NBAS: variants seen among roughly 807,000 people sequenced by gnomAD.
The protein encoded by NBAS is NBAS subunit of NRZ tethering complex.
In NBAS, 219 loss-of-function variants were observed where a neutral mutation model predicts 302.5. The ratio of observed to expected loss-of-function variants is 0.72; its 90% CI spans 0.65 to 0.81. The LOEUF (loss-of-function observed/expected upper bound fraction) is 0.81. Ranked by LOEUF, NBAS falls within the 30% of genes least tolerant of loss-of-function variation. The pLI, the probability that NBAS is intolerant of heterozygous loss-of-function variation, is 0.00. For missense variants in NBAS, 2,932 were observed against 2,841.6 expected, an observed-to-expected ratio of 1.03 and a Z score of -0.72; for synonymous variants, 1,118 against 1,021.6, an observed-to-expected ratio of 1.09 and a Z score of -1.80.
the NBAS span, among the ~76,000 whole-genome samples, chr2:14,909,366 T>TAAAAAAA: frequency 1.6e-3 from 122 of 78,536 alleles, 12 homozygotes; most frequent in African/African-American, 6.6e-3. Flanking sequence ...GGAGAGTTTC[T>TAAAAAAA]AAAAAAAAAA....
the NBAS span, among the ~76,000 whole-genome samples, chr2:15,086,339 C>A: frequency 1.3e-5 from 2 of 152,138 alleles, no homozygotes; most frequent in African/African-American, 4.8e-5. Flanking sequence ...GGAGCTACCC[C>A]CTATTGGTCC....
the NBAS span, among the ~76,000 whole-genome samples, chr2:15,120,347 C>T: frequency 1.3e-5 from 2 of 152,152 alleles, no homozygotes; most frequent in South Asian, 4.1e-4. Flanking sequence ...CCCCATTCTG[C>T]AGCCAAAGAA....
chr2:15,417,925 A>G (rs1677027459), intron 23 of NBAS, among the ~76,000 whole-genome samples: 2 of 152,184 alleles, frequency 1.3e-5, no homozygotes, highest in African/African-American at 4.8e-5. Flanking sequence ...AACAATCAGC[A>G]AGAAATACGG....
intron 25 of NBAS, 26 bp from the exon 26 acceptor site, chr2:15,402,327 T>C (rs574036569): frequency 1.9e-6 from 3 of 1,612,112 alleles, no homozygotes; most frequent in Non-Finnish European, 8.5e-7. Flanking sequence ...TATGTTGTAC[T>C]AAATGTCAAC....
chr2:15,095,783 A>G, the NBAS span, among the ~76,000 whole-genome samples: 1 of 152,176 alleles, frequency 6.6e-6, no homozygotes, highest in Non-Finnish European at 1.5e-5. Context: ...AGGCCCTGAC[A>G]TGGGAGCTCA....
chr2:15,512,903 C>T (rs1415206875), intron 9 of NBAS, among the ~76,000 whole-genome samples: 1 of 151,862 alleles, frequency 6.6e-6, no homozygotes, highest in African/African-American at 2.4e-5. Context: ...TTTTTTCTTT[C>T]CCAGTCCCAA....
the NBAS span, among the ~76,000 whole-genome samples, chr2:15,125,365 G>A: frequency 0.45 from 68,672 of 152,030 alleles, 18,257 homozygotes; most frequent in Non-Finnish European, 0.57. Context: ...GAAAAAGCAA[G>A]GGCAAGGAAG....
At chr2:15,265,792 C>T (rs1433687686) in intron 44 of NBAS, among the ~76,000 whole-genome samples, 1 of 152,096 alleles carries the variant, frequency 6.6e-6, no homozygotes, top group Non-Finnish European at 1.5e-5. Flanking sequence ...TTTTAATCAA[C>T]ATGGAAATCT....
At chr2:15,325,252 TCA>T (rs1211638095) in intron 38 of NBAS, among the ~76,000 whole-genome samples, 6 of 152,220 alleles carry the variant, frequency 3.9e-5, no homozygotes, top group Non-Finnish European at 5.9e-5. Context: ...ATAAACTGTA[TCA>T]CACAAATTAT....
chr2:14,807,460 T>A, the NBAS span, among the ~76,000 whole-genome samples: 3 of 44,528 alleles, frequency 6.7e-5, no homozygotes, highest in Non-Finnish European at 1.2e-4. Flanking sequence ...TGTGAGTGTG[T>A]GTGTGTGTGT....
At chr2:15,097,751 C>T in the NBAS span, among the ~76,000 whole-genome samples, 1 of 150,808 alleles carries the variant, frequency 6.6e-6, no homozygotes, top group African/African-American at 2.4e-5. Flanking sequence ...CACCATCATC[C>T]TGGGGGCTAG....
the NBAS span, among the ~76,000 whole-genome samples, chr2:14,959,482 G>A: frequency 0.064 from 9,707 of 152,140 alleles, 1,009 homozygotes; most frequent in African/African-American, 0.22. Flanking sequence ...TTGCAACTGT[G>A]ATCAAGGCTC....
At chr2:15,428,897 G>T (rs1677616970) in intron 21 of NBAS, among the ~76,000 whole-genome samples, 1 of 148,332 alleles carries the variant, frequency 6.7e-6, no homozygotes, top group Admixed American at 6.8e-5. Flanking sequence ...TGAAAAATTA[G>T]CCAGGTGTGG....
At chr2:15,128,143 CT>C in the NBAS span, among the ~76,000 whole-genome samples, 1 of 152,084 alleles carries the variant, frequency 6.6e-6, no homozygotes, top group Non-Finnish European at 1.5e-5. Context: ...ATCCCTTATC[CT>C]CAATTTCAAA....
the NBAS span, among the ~76,000 whole-genome samples, chr2:14,923,108 C>A: frequency 6.6e-6 from 1 of 152,118 alleles, no homozygotes; most frequent in Non-Finnish European, 1.5e-5. Context: ...GCCGAGATTG[C>A]GCAACTGCAC....
intron 47 of NBAS, among the ~76,000 whole-genome samples, chr2:15,229,635 A>T (rs2147919674): frequency 6.6e-6 from 1 of 151,930 alleles, no homozygotes; most frequent in African/African-American, 2.4e-5. Context: ...TACAAAAATT[A>T]GCTGGACATG....
intron 21 of NBAS, among the ~76,000 whole-genome samples, chr2:15,448,346 T>C (rs1678848778): frequency 6.6e-6 from 1 of 152,218 alleles, no homozygotes; most frequent in Admixed American, 6.5e-5. Context: ...TACTGTCTAA[T>C]GAACACCACT....
intron 10 of NBAS, among the ~76,000 whole-genome samples, chr2:15,510,444 T>C (rs2287270): frequency 0.71 from 107,919 of 152,092 alleles, 39,726 homozygotes; most frequent in African/African-American, 0.89. Flanking sequence ...AAGGTCACCA[T>C]TCTCCATGGA....
At chr2:14,829,638 GCTC>G in the NBAS span, among the ~76,000 whole-genome samples, 1 of 152,102 alleles carries the variant, frequency 6.6e-6, no homozygotes, top group Non-Finnish European at 1.5e-5. Context: ...GCATTCTGGT[GCTC>G]CTCAACTTTT....
Sources: gnomAD v4.1 joint callset for allele counts (sites outside exome capture counted in the v4.1 genomes callset) on GRCh38, gnomAD v4.1.1 for gene constraint, MANE v1.5 for transcripts, NCBI Gene and HGNC (gene_info 2026-07-23, HGNC 2026-07-21) for gene names.